Variants in CAMK1D observed in about 807,000 individuals in gnomAD.
CAMK1D encodes the protein calcium/calmodulin-dependent protein kinase type 1D.
Under a neutral mutation model 47.7 loss-of-function variants are expected in CAMK1D, and 9 were observed. The observed-to-expected ratio is 0.19, with a 90% confidence interval of 0.11 to 0.33. The LOEUF is 0.33. Ranked by LOEUF, CAMK1D falls within the 10% of genes least tolerant of loss-of-function variation. CAMK1D has a pLI of 1.00. For missense variants in CAMK1D, 291 were observed against 488.7 expected (o/e 0.60, Z 3.81); for synonymous variants, 184 against 184.9 (o/e 0.99, Z 0.04).
rs1836941727 is a variant in CAMK1D, at chr10:12,769,609, G to C, written c.439-64G>C. The C allele has an allele frequency of 1.9e-6, 3 of 1,575,732 alleles. No homozygotes were observed. The African/African-American group carries it at 4.0e-5, about 21-fold the overall frequency. ...GTGAATAGGTTTTGCAGCTGAATGA[G>C]TCTTCCACAATTAACCCAGCTTTAC... On this transcript the variant is annotated intron_variant, in intron 4 of 10. Transcript: ENST00000619168.
chr10:12,530,632 C>T (rs72769687), intron 1 of CAMK1D, among the ~76,000 whole-genome samples: 40 of 152,292 alleles, frequency 2.6e-4, no homozygotes, highest in Non-Finnish European at 4.3e-4. Flanking sequence ...CCAGGAAGGT[C>T]TTCCCGTGGC....
chr10:12,515,253 T>G (rs1835160032), intron 1 of CAMK1D, among the ~76,000 whole-genome samples: 1 of 151,970 alleles, frequency 6.6e-6, no homozygotes, highest in Admixed American at 6.6e-5. Flanking sequence ...AGGCATAGAA[T>G]CATATTACCA....
In CAMK1D at chr10:12,495,606, A is replaced by G. The variant is rs540007424; in HGVS notation, c.93-57619A>G. Among the ~76,000 whole-genome samples the G allele has an allele frequency of 5.9e-5, 9 of 152,356 alleles. No individual in the cohort carries two copies. The South Asian group carries it at 1.4e-3, about 25-fold the overall frequency. ...GTTCATGTTTGTGTATTGCTCATTT[A>G]GCTTTCGACGTCCTTTGGAAAGTTG... is the stretch of plus-strand genomic sequence containing the variant. On this transcript the variant is annotated intron_variant, in intron 1 of 10. Transcript: ENST00000619168.
chr10:12,486,331 T>G (rs1312406307), intron 1 of CAMK1D, among the ~76,000 whole-genome samples: 2 of 152,070 alleles, frequency 1.3e-5, no homozygotes, highest in East Asian at 3.9e-4. Context: ...GCTAATTTTT[T>G]GTATTTTTAG....
Position 12,487,292 on chromosome 10 carries a change from G to T in CAMK1D, c.93-65933G>T, listed in dbSNP as rs148266017. 7.5e-3 allele frequency among the ~76,000 whole-genome samples: 1,144 copies of T among 152,134 alleles called. 18 individuals carry two copies. The highest frequency in any genetic ancestry group is 0.026 in the African/African-American group (1,082 of 41,488). ...GGCTTCTCCTCAAGGTCTCTTTATC[G>T]GGTTTCCTCTTTTATATGGAAAATT... On this transcript the variant is annotated intron_variant, in intron 1 of 10. Transcript: ENST00000619168.
chr10:12,375,479 C>T (rs555164978), intron 1 of CAMK1D, among the ~76,000 whole-genome samples: 1 of 152,290 alleles, frequency 6.6e-6, no homozygotes, highest in East Asian at 1.9e-4. Flanking sequence ...CACCTGTTTA[C>T]AGGCCCTTTT....
chr10:12,774,790 C>T (rs923208700), intron 5 of CAMK1D, among the ~76,000 whole-genome samples: 2 of 152,222 alleles, frequency 1.3e-5, no homozygotes, highest in Admixed American at 6.5e-5. Context: ...GATCTGTGCC[C>T]GCAAGAGATT....
chr10:12,526,505 G>C (rs1429095033), intron 1 of CAMK1D, among the ~76,000 whole-genome samples: 1 of 152,020 alleles, frequency 6.6e-6, no homozygotes, highest in East Asian at 1.9e-4. Flanking sequence ...CAGGTGTCTT[G>C]TCAGAAGATG....
intron 2 of CAMK1D, among the ~76,000 whole-genome samples, chr10:12,553,702 A>T: frequency 6.6e-6 from 1 of 152,194 alleles, no homozygotes; most frequent in East Asian, 1.9e-4. Flanking sequence ...TCTCCCTGGC[A>T]GGGTGTTGTA....
chr10:12,357,158 T>G (rs540828517), intron 1 of CAMK1D, among the ~76,000 whole-genome samples: 1 of 152,092 alleles, frequency 6.6e-6, no homozygotes, highest in Non-Finnish European at 1.5e-5. Context: ...ATGTTTTCTT[T>G]TTTTACTTTT....
chr10:12,406,225 G>C (rs190347996), intron 1 of CAMK1D, among the ~76,000 whole-genome samples: 1 of 152,068 alleles, frequency 6.6e-6, no homozygotes, highest in Non-Finnish European at 1.5e-5. Flanking sequence ...CTCCTACCCC[G>C]TGGAAGTTTG....
rs1318300688 is a variant in CAMK1D at position 12,393,810 on chromosome 10, T to G, written c.92+43900T>G. ...AACACTACCCTGAAGATGACAGTGTTGACATCAAGGGCGGGAGGTGAAGGA... is the reference window on the plus strand; with the variant it reads ...AACACTACCCTGAAGATGACAGTGTGGACATCAAGGGCGGGAGGTGAAGGA... On this transcript the variant is annotated intron_variant, in intron 1 of 10. Coordinates refer to ENST00000619168, the MANE Select transcript of CAMK1D (RefSeq NM_153498.4). Among the ~76,000 whole-genome samples, 4 of 152,182 alleles carry G rather than the reference T, an allele frequency of 2.6e-5. 1 individual carries two copies. In the East Asian group the frequency reaches 7.7e-4, roughly 29 times the overall value.
intron 1 of CAMK1D, among the ~76,000 whole-genome samples, chr10:12,372,472 G>C (rs1384798124): frequency 1.3e-5 from 2 of 152,300 alleles, no homozygotes; most frequent in Non-Finnish European, 2.9e-5. Flanking sequence ...GGTTTTCCTT[G>C]CCCTGGTTGG....
In CAMK1D at chr10:12,831,903, G is replaced by A. The variant is rs1011408279; in HGVS notation, c.*3016G>A. On this transcript the variant is annotated 3_prime_UTR_variant, in exon 11 of 11. Transcript: ENST00000619168. ...GAAGAGAACCTAGAATGTGCCTTTC[G>A]TGAAGGTCTGACAAATGGGGTCTCA... 2.0e-5 allele frequency: 3 copies of A among 152,200 alleles called. No individual in the cohort carries two copies. Among genetic ancestry groups the A allele is most frequent in the Admixed American group, 6.5e-5 (1 of 15,282 alleles). The allele number at this position is 152,200 out of a possible 1,614,324, so 9.4% of individuals were successfully genotyped here.
intron 1 of CAMK1D, among the ~76,000 whole-genome samples, chr10:12,374,767 C>T (rs1444442147): frequency 6.6e-6 from 1 of 151,988 alleles, no homozygotes; most frequent in African/African-American, 2.4e-5. Flanking sequence ...CATGGCGAAA[C>T]CTTGTCTCTA....
At chr10:12,786,135 A>T (rs768999770) in intron 5 of CAMK1D, among the ~76,000 whole-genome samples, 7 of 152,156 alleles carry the variant, frequency 4.6e-5, no homozygotes, top group Non-Finnish European at 1.0e-4. Flanking sequence ...GTGAAATTAG[A>T]ATTTAGGGTA....
rs563287705 is a variant in CAMK1D at position 12,584,009 on chromosome 10, T to C, written c.224+30653T>C. On this transcript the variant is annotated intron_variant, in intron 2 of 10. Transcript: ENST00000619168. ...TGTCAGCACTCTGGGATGGTTTTTA[T>C]GTGTCTTCAGTGTAAACAGTTTCTT... Among the ~76,000 whole-genome samples the C allele has an allele frequency of 2.6e-5, 4 of 152,334 alleles. No individual in the cohort carries two copies. The South Asian group carries it at 8.3e-4, about 32-fold the overall frequency.
chr10:12,790,319 G>A (rs146321202), intron 5 of CAMK1D, among the ~76,000 whole-genome samples: 582 of 152,364 alleles, frequency 3.8e-3, no homozygotes, highest in Non-Finnish European at 6.3e-3. Flanking sequence ...ATTTCAGAGG[G>A]TAGGCCTTAG....
intron 1 of CAMK1D, among the ~76,000 whole-genome samples, chr10:12,355,530 C>G (rs115632200): frequency 6.6e-6 from 1 of 151,708 alleles, no homozygotes; most frequent in East Asian, 1.9e-4. Context: ...CACAAACACT[C>G]GAGGTGGTTT....
Sources: gnomAD v4.1 joint callset for allele counts (sites outside exome capture counted in the v4.1 genomes callset) on GRCh38, gnomAD v4.1.1 for gene constraint, MANE v1.5 for transcripts, NCBI Gene and HGNC (gene_info 2026-07-23, HGNC 2026-07-21) for gene names.